GIMD1: variants seen among roughly 807,000 people sequenced by gnomAD.
The protein encoded by GIMD1 is GIMAP family P-loop NTPase domain containing 1.
Under a neutral mutation model 14.9 loss-of-function variants are expected in GIMD1, and 14 were observed. The observed-to-expected ratio is 0.94, with a 90% CI of 0.62 to 1.47. The LOEUF is 1.47. Among genes scored for constraint, GIMD1 ranks in the 40% most tolerant of loss-of-function variants. The pLI is 0.00. For synonymous variants in GIMD1, 91 were observed against 90.5 expected, an observed-to-expected ratio of 1.01 and a Z score of -0.03; for missense variants, 272 against 255.3, an observed-to-expected ratio of 1.07 and a Z score of -0.44.
intron 2 of GIMD1, among the ~76,000 whole-genome samples, chr4:106,366,254 A>G (rs561041372): frequency 2.0e-5 from 3 of 152,274 alleles, no homozygotes; most frequent in Non-Finnish European, 4.4e-5. Context: ...AATAATGCAT[A>G]ACTCTCCCTT....
chr4:106,360,346 G>A (rs1770594998), intron 2 of GIMD1, among the ~76,000 whole-genome samples: 2 of 151,318 alleles, frequency 1.3e-5, no homozygotes, highest in African/African-American at 4.9e-5. Flanking sequence ...AGTATATTAG[G>A]GAATAATTAC....
chr4:106,358,029 T>C lies in GIMD1; in HGVS notation c.*154A>G, dbSNP rs1770557409. 1 of 544,784 alleles carries C rather than the reference T, an allele frequency of 1.8e-6. No homozygotes were observed. Among genetic ancestry groups the C allele is most frequent in the African/African-American group, 1.9e-5 (1 of 52,414 alleles). 33.7% of individuals were successfully genotyped at this position (544,784 alleles called of 1,614,324 possible). ...AAATCTTGAATCATTGATGTTCTTT[T>C]TAACTTCTAGTTTTCCAAAGTGGTT... is the stretch of plus-strand genomic sequence containing the variant. On this transcript the variant is annotated 3_prime_UTR_variant, in exon 3 of 3. Coordinates refer to ENST00000638719, the MANE Select transcript of GIMD1 (RefSeq NM_001195138.2).
At chr4:106,359,673 G>T (rs190883903) in intron 2 of GIMD1, among the ~76,000 whole-genome samples, 18 of 150,818 alleles carry the variant, frequency 1.2e-4, no homozygotes, top group African/African-American at 4.4e-4. Context: ...TACAGGATTA[G>T]AATTTATAAT....
intron 2 of GIMD1, among the ~76,000 whole-genome samples, chr4:106,363,478 A>G (rs1178336915): frequency 2.0e-5 from 3 of 152,124 alleles, no homozygotes; most frequent in Non-Finnish European, 4.4e-5. Context: ...CAATCTCAGT[A>G]GTGATCATAA....
intron 2 of GIMD1, among the ~76,000 whole-genome samples, chr4:106,364,127 G>C (rs908824404): frequency 6.6e-6 from 1 of 151,926 alleles, no homozygotes; most frequent in African/African-American, 2.4e-5. Flanking sequence ...ATTAATAAAG[G>C]CCTAACAAAA....
At chr4:106,365,968 A>G (rs781128405) in intron 2 of GIMD1, among the ~76,000 whole-genome samples, 2 of 150,460 alleles carry the variant, frequency 1.3e-5, no homozygotes, top group African/African-American at 2.4e-5. Flanking sequence ...CAAACTCCCA[A>G]CTCCCTCCAT....
chr4:106,365,024 G>A (rs1256225069), intron 2 of GIMD1, among the ~76,000 whole-genome samples: 2 of 152,002 alleles, frequency 1.3e-5, no homozygotes, highest in African/African-American at 4.8e-5. Flanking sequence ...TTGAAAAAGA[G>A]TTGTTTATGT....
chr4:106,361,455 A>G (rs1398887772), intron 2 of GIMD1, among the ~76,000 whole-genome samples: 1 of 152,076 alleles, frequency 6.6e-6, no homozygotes, highest in African/African-American at 2.4e-5. Context: ...TAAAAAATAC[A>G]TAGGAATTAA....
intron 2 of GIMD1, among the ~76,000 whole-genome samples, chr4:106,365,140 G>T (rs892176454): frequency 6.6e-6 from 1 of 152,138 alleles, no homozygotes; most frequent in Admixed American, 6.6e-5. Context: ...TTATACTGGT[G>T]TCATGGATGC....
chr4:106,361,360 A>G (rs925992548), intron 2 of GIMD1, among the ~76,000 whole-genome samples: 1 of 152,036 alleles, frequency 6.6e-6, no homozygotes, highest in Admixed American at 6.6e-5. Context: ...CATTTTGCCC[A>G]TTTTGGGGTG....
chr4:106,365,391 G>GTC lies in GIMD1; in HGVS notation c.393+1651_393+1652insGA, dbSNP rs1554004003. The stretch of plus-strand genomic sequence containing the variant: ...TTCTTGTGATTATACATATGGCTGG[G>GTC]TTTTTTTTTTTCATTTTTAGAAACA... On this transcript the variant is annotated intron_variant, in intron 2 of 2. Transcript: ENST00000638719. 3.4e-5 allele frequency among the ~76,000 whole-genome samples: 5 copies of GTC among 145,360 alleles called. No homozygotes were observed. In the East Asian group the frequency reaches 9.9e-4, roughly 29 times the overall value.
intron 2 of GIMD1, among the ~76,000 whole-genome samples, chr4:106,358,651 A>T (rs772143122): frequency 6.6e-6 from 1 of 151,956 alleles, no homozygotes; most frequent in Non-Finnish European, 1.5e-5. Context: ...AGGCAGGATT[A>T]AACAGAGAAT....
At chr4:106,365,981 C>G (rs752208582) in intron 2 of GIMD1, among the ~76,000 whole-genome samples, 10 of 151,782 alleles carry the variant, frequency 6.6e-5, no homozygotes, top group Non-Finnish European at 1.0e-4. Context: ...CCCTCCATCT[C>G]CTAGCTGTGG....
Position 106,367,176 on chromosome 4 carries a change from T to C in GIMD1, c.260A>G (p.Tyr87Cys). The C allele has an allele frequency of 2.0e-6, 3 of 1,535,780 alleles. No homozygotes were observed. Among genetic ancestry groups the C allele is most frequent in the African/African-American group, 1.4e-5 (1 of 73,072 alleles). ...GYPHSRLSKK[Y>C]VKQEVKEALA... ...AGCCTCTTTGACTTCCTGTTTCACA[T>C]ACTTCTTGCTCAGCCTGCTGTGTGG... The change falls in exon 2 of 3, where the codon TAT becomes TGT. Residue 87 changes from tyrosine to cysteine, a missense_variant. Physicochemically the swap from Tyr to Cys is radical, Grantham distance 194 (BLOSUM62 -2). Coordinates refer to ENST00000638719, the MANE Select transcript of GIMD1 (RefSeq NM_001195138.2).
rs1770719758 is a variant in GIMD1, at chr4:106,367,339, C to G, written c.97G>C (p.Asp33His). The change falls in exon 2 of 3, where the codon GAC becomes CAC. Residue 33 changes from aspartate to histidine, a missense_variant. Coordinates refer to ENST00000638719, the MANE Select transcript of GIMD1 (RefSeq NM_001195138.2). ...SAGNILLGSTDFHSSFAPCSV... is the reference protein window; with the variant it reads ...SAGNILLGSTHFHSSFAPCSV... ...CAGGGAGCAAAGCTGCTGTGAAAGT[C>G]TGTGCTTCCCAGCAGAATGTTTCCA... 1 of 1,536,032 alleles carries G rather than the reference C, an allele frequency of 6.5e-7. No homozygotes were observed. Among genetic ancestry groups the G allele is most frequent in the Non-Finnish European group, 8.7e-7 (1 of 1,146,856 alleles).
chr4:106,364,975 G>C (rs1770672898), intron 2 of GIMD1, among the ~76,000 whole-genome samples: 1 of 151,916 alleles, frequency 6.6e-6, no homozygotes, highest in African/African-American at 2.4e-5. Flanking sequence ...GTTCATGGTA[G>C]GGAAATATTG....
At chr4:106,358,997 G>A (rs915458849) in intron 2 of GIMD1, among the ~76,000 whole-genome samples, 4 of 151,900 alleles carry the variant, frequency 2.6e-5, no homozygotes, top group Admixed American at 2.0e-4. Flanking sequence ...TTATAACTGT[G>A]AGTCTCATCT....
chr4:106,361,846 C>T (rs967068905), intron 2 of GIMD1, among the ~76,000 whole-genome samples: 1 of 152,040 alleles, frequency 6.6e-6, no homozygotes, highest in Admixed American at 6.6e-5. Flanking sequence ...AATGTGCATG[C>T]TAAATAAACT....
intron 2 of GIMD1, among the ~76,000 whole-genome samples, chr4:106,359,795 T>C (rs901126451): frequency 6.6e-6 from 1 of 151,448 alleles, no homozygotes; most frequent in African/African-American, 2.4e-5. Flanking sequence ...AAAGAAGGAA[T>C]CTGGATAGGT....
Sources: gnomAD v4.1 joint callset for allele counts (sites outside exome capture counted in the v4.1 genomes callset) on GRCh38, gnomAD v4.1.1 for gene constraint, MANE v1.5 for transcripts, NCBI Gene and HGNC (gene_info 2026-07-23, HGNC 2026-07-21) for gene names.